The following ATRNL1 variants were observed in gnomAD, a reference collection of about 807,000 sequenced individuals.
ATRNL1 encodes the protein attractin like 1, also known as attractin-like protein 1.
A neutral mutation model predicts 182.7 loss-of-function variants in ATRNL1; 95 were observed. The ratio of observed to expected loss-of-function variants is 0.52; its 90% confidence interval spans 0.44 to 0.62. ATRNL1 has a LOEUF of 0.62. ATRNL1 is among the 20% of genes least tolerant of loss of function. The probability of loss-of-function intolerance (pLI) is 0.00; values close to 1 mark genes in which losing one functional copy is unlikely to be tolerated. For synonymous variants in ATRNL1, 576 were observed against 568.3 expected (o/e 1.01, Z -0.19); for missense variants, 1,471 against 1,679.5 (o/e 0.88, Z 2.17).
intron 28 of ATRNL1, among the ~76,000 whole-genome samples, chr10:115,870,725 A>G (rs1555105901): frequency 6.6e-6 from 1 of 152,218 alleles, no homozygotes; most frequent in East Asian, 1.9e-4. Flanking sequence ...TAAAATGGCT[A>G]AGAGCATAGA....
intron 28 of ATRNL1, among the ~76,000 whole-genome samples, chr10:115,867,289 C>T (rs1239941648): frequency 2.6e-5 from 4 of 151,986 alleles, no homozygotes; most frequent in African/African-American, 9.7e-5. Context: ...AATAGAATTC[C>T]ATGCTGTCAC....
chr10:115,093,837 C>T lies in ATRNL1; in HGVS notation c.87C>T (p.Gly29=). Residue 29 remains glycine, a synonymous_variant, in exon 1 of 29, where the codon GGC becomes GGT. Coordinates refer to ENST00000355044, the MANE Select transcript of ATRNL1 (RefSeq NM_207303.4). This position sits in a 1 kb window ranked among gnomAD's most constrained non-coding sequence, Gnocchi z 6.1. ...GGGCTCGGCCGGCGGGCGGCGGCGGCGGGGGCGCCTCCTCCTGGCTGCTGG... is the reference window on the plus strand; with the variant it reads ...GGGCTCGGCCGGCGGGCGGCGGCGGTGGGGGCGCCTCCTCCTGGCTGCTGG... ...VWRARPAGGG[G]GGASSWLLDG... The T allele has an allele frequency of 2.0e-6, 3 of 1,516,536 alleles. No individual in the cohort carries two copies. The highest frequency in any genetic ancestry group is 1.4e-5 in the African/African-American group (1 of 69,984). The allele number at this position is 1,516,536 out of a possible 1,614,324, so 93.9% of individuals were successfully genotyped here.
chr10:115,781,618 A>C (rs1335318872), intron 27 of ATRNL1, among the ~76,000 whole-genome samples: 1 of 152,218 alleles, frequency 6.6e-6, no homozygotes, highest in African/African-American at 2.4e-5. Context: ...AGACTCATCT[A>C]TGATAGTACA....
Position 115,362,644 on chromosome 10 carries a change from A to G in ATRNL1, c.3175+28225A>G, listed in dbSNP as rs1856804821. The stretch of plus-strand genomic sequence containing the variant: ...ACTAACTCGTCATCTAGCATTAGGT[A>G]TATCTCCCAATGCTATCCCTCCCAC... On this transcript the variant is annotated intron_variant, in intron 19 of 28. Transcript: ENST00000355044. 2.6e-5 allele frequency among the ~76,000 whole-genome samples: 4 copies of G among 151,912 alleles called. No individual in the cohort carries two copies. In the South Asian group the frequency reaches 8.3e-4, roughly 32 times the overall value.
intron 18 of ATRNL1, among the ~76,000 whole-genome samples, chr10:115,324,618 TC>T (rs1854774127): frequency 6.6e-6 from 1 of 152,240 alleles, no homozygotes; most frequent in Admixed American, 6.5e-5. Context: ...TACTTTAAGT[TC>T]CCACAAGTTA....
chr10:115,236,674 A>G (rs190427965), intron 9 of ATRNL1, among the ~76,000 whole-genome samples: 1 of 152,224 alleles, frequency 6.6e-6, no homozygotes, highest in East Asian at 1.9e-4. Flanking sequence ...CATCTCCCCT[A>G]TCCCCAGGTC....
At chr10:115,407,852 A>G (rs1436005962) in intron 20 of ATRNL1, among the ~76,000 whole-genome samples, 3 of 152,100 alleles carry the variant, frequency 2.0e-5, no homozygotes, top group African/African-American at 7.2e-5. Context: ...TCTTATCAAC[A>G]ATGTATAAGA....
chr10:115,226,143 A>G (rs1849684502), intron 9 of ATRNL1, among the ~76,000 whole-genome samples: 1 of 152,006 alleles, frequency 6.6e-6, no homozygotes. Flanking sequence ...TTAATCTATG[A>G]CAAAGGTGGA....
At chr10:115,169,590 T>A (rs565381090) in intron 7 of ATRNL1, among the ~76,000 whole-genome samples, 4 of 152,278 alleles carry the variant, frequency 2.6e-5, no homozygotes, top group African/African-American at 9.6e-5. Flanking sequence ...ATTGTTCTGA[T>A]GTTCTGCATC....
chr10:115,674,457 A>T (rs1383426171), intron 26 of ATRNL1, among the ~76,000 whole-genome samples: 3 of 152,088 alleles, frequency 2.0e-5, no homozygotes, highest in Admixed American at 2.0e-4. Context: ...CTTGAATAAT[A>T]TACTTTCTTC....
chr10:115,881,399 G>T (rs920493328), intron 28 of ATRNL1, among the ~76,000 whole-genome samples: 3 of 152,194 alleles, frequency 2.0e-5, no homozygotes, highest in African/African-American at 4.8e-5. Flanking sequence ...CCTATGGATT[G>T]CTTCTGTTTC....
chr10:115,684,492 T>G (rs2133957920), intron 26 of ATRNL1, among the ~76,000 whole-genome samples: 1 of 151,252 alleles, frequency 6.6e-6, no homozygotes, highest in Non-Finnish European at 1.5e-5. Context: ...ATCTGTAAGG[T>G]TTTTTAAACA....
At chr10:115,378,654 G>C (rs116107557) in intron 19 of ATRNL1, among the ~76,000 whole-genome samples, 1 of 152,152 alleles carries the variant, frequency 6.6e-6, no homozygotes, top group African/African-American at 2.4e-5. Context: ...TTGGGGACCT[G>C]TTCAGGATCT....
intron 28 of ATRNL1, among the ~76,000 whole-genome samples, chr10:115,911,947 C>T (rs921379786): frequency 1.3e-5 from 2 of 152,150 alleles, no homozygotes; most frequent in African/African-American, 2.4e-5. Context: ...AGGAAGCCCC[C>T]GTATGGTGTG....
chr10:115,766,741 G>A (rs898399122), intron 27 of ATRNL1, among the ~76,000 whole-genome samples: 12 of 152,094 alleles, frequency 7.9e-5, no homozygotes, highest in Non-Finnish European at 1.5e-4. Context: ...ATTTTTCTTC[G>A]TTAAAATATC....
intron 28 of ATRNL1, among the ~76,000 whole-genome samples, chr10:115,876,324 T>C (rs990435205): frequency 2.0e-5 from 3 of 152,232 alleles, no homozygotes; most frequent in Non-Finnish European, 4.4e-5. Flanking sequence ...TCAAATGAGA[T>C]AATGTCTGTA....
At chr10:115,359,909 A>G (rs1157608752) in intron 19 of ATRNL1, among the ~76,000 whole-genome samples, 5 of 151,692 alleles carry the variant, frequency 3.3e-5, no homozygotes, top group South Asian at 4.1e-4. Context: ...TTACCATAAC[A>G]TATGTATTTT....
chr10:115,763,461 C>A (rs931963317), intron 27 of ATRNL1, among the ~76,000 whole-genome samples: 1 of 152,064 alleles, frequency 6.6e-6, no homozygotes, highest in Non-Finnish European at 1.5e-5. Context: ...TGAGCAGGAT[C>A]TTGAAAAAGA....
At chr10:115,502,395 A>G (rs1262299934) in intron 24 of ATRNL1, among the ~76,000 whole-genome samples, 2 of 152,296 alleles carry the variant, frequency 1.3e-5, no homozygotes, top group East Asian at 3.9e-4. Flanking sequence ...CACTTGATAT[A>G]GCAGGTTATT....
Sources: allele counts gnomAD v4.1 joint callset (sites outside exome capture counted in the v4.1 genomes callset), GRCh38; gene constraint gnomAD v4.1.1; non-coding constraint Gnocchi (gnomAD v3.1); transcripts MANE v1.5; gene names NCBI Gene and HGNC (gene_info 2026-07-23, HGNC 2026-07-21).